Variants in PDE11A observed in about 807,000 individuals in gnomAD.
PDE11A encodes dual 3',5'-cyclic-AMP and -GMP phosphodiesterase 11A.
Under a neutral mutation model 100.5 loss-of-function variants are expected in PDE11A, and 100 were observed. The observed-to-expected ratio is 1.00, with a 90% CI of 0.85 to 1.18. The LOEUF is 1.18. Ranked by LOEUF, PDE11A falls within the 50% of genes most tolerant of loss-of-function variation. The pLI, the probability that PDE11A is intolerant of heterozygous loss-of-function variation, is 0.00. For synonymous variants in PDE11A, 381 were observed against 420.8 expected, an observed-to-expected ratio of 0.91 and a Z score of 1.16; for missense variants, 1,141 against 1,152.6, an observed-to-expected ratio of 0.99 and a Z score of 0.15.
intron 10 of PDE11A, among the ~76,000 whole-genome samples, chr2:177,754,736 C>G (rs1438617563): frequency 6.6e-6 from 1 of 152,184 alleles, no homozygotes; most frequent in African/African-American, 2.4e-5. Flanking sequence ...GTCTAAACAG[C>G]CTTGGGGTTC....
intron 2 of PDE11A, among the ~76,000 whole-genome samples, chr2:177,995,204 C>T (rs148948756): frequency 4.0e-4 from 61 of 152,210 alleles, no homozygotes; most frequent in Admixed American, 9.2e-4. Flanking sequence ...TCCAGAGTGG[C>T]GGGTCAATTT....
chr2:178,054,306 T>C (rs2086869668), intron 1 of PDE11A, among the ~76,000 whole-genome samples: 1 of 152,210 alleles, frequency 6.6e-6, no homozygotes, highest in Non-Finnish European at 1.5e-5. Context: ...TGTAGAAAGC[T>C]GAAATTGGAT....
upstream of PDE11A, among the ~76,000 whole-genome samples, chr2:178,074,000 A>G (rs1334917466): frequency 6.6e-6 from 1 of 152,212 alleles, no homozygotes; most frequent in Non-Finnish European, 1.5e-5. Context: ...GGAACAGACA[A>G]ATAAAATGTG....
At chr2:177,720,323 T>C (rs1240741572) in intron 12 of PDE11A, among the ~76,000 whole-genome samples, 1 of 152,160 alleles carries the variant, frequency 6.6e-6, no homozygotes, top group Non-Finnish European at 1.5e-5. Flanking sequence ...TACTACTGGA[T>C]GTCGCAGCAT....
intron 2 of PDE11A, among the ~76,000 whole-genome samples, chr2:178,001,370 A>C (rs2105818030): frequency 6.6e-6 from 1 of 151,780 alleles, no homozygotes; most frequent in South Asian, 2.1e-4. Flanking sequence ...TTTATACTCC[A>C]GGGATATTCA....
chr2:178,071,737 T>C lies in PDE11A; in HGVS notation c.701A>G (p.Asp234Gly). The C allele has an allele frequency of 6.2e-7, 1 of 1,614,112 alleles. No homozygotes were observed. Among genetic ancestry groups the C allele is most frequent in the Non-Finnish European group, 8.5e-7 (1 of 1,179,968 alleles). ...KILIFVCLMV[D>G]ADRCSLFLVE... ...CAGGAAAAGAGAGCAGCGGTCAGCATCCACCATAAGGCAGACAAAGATGAG... is the reference window on the plus strand; with the variant it reads ...CAGGAAAAGAGAGCAGCGGTCAGCACCCACCATAAGGCAGACAAAGATGAG... The change falls in exon 1 of 20, where the codon GAT (aspartate) becomes GGT (glycine). Residue 234 changes from aspartate (D) to glycine (G), a missense_variant. By Grantham distance (94) the Asp-to-Gly change is moderately conservative (BLOSUM62 -1). Coordinates refer to ENST00000286063, the MANE Select transcript of PDE11A (RefSeq NM_016953.4).
At chr2:178,024,321 A>G (rs1019727330) in intron 1 of PDE11A, among the ~76,000 whole-genome samples, 1 of 152,168 alleles carries the variant, frequency 6.6e-6, no homozygotes, top group African/African-American at 2.4e-5. Flanking sequence ...CCGAGGCAGG[A>G]GAATTGCTTG....
At position 177,977,281 on chromosome 2, in the gene PDE11A, T is replaced by G. The variant is rs1225377258; in HGVS notation, c.1071+37021A>C. ...ATCAATGTACAAAAATCACAAGCATTCTTATACACCAACAACAGACAAACA... is the reference window on the plus strand; with the variant it reads ...ATCAATGTACAAAAATCACAAGCATGCTTATACACCAACAACAGACAAACA... On this transcript the variant is annotated intron_variant, in intron 2 of 19. Transcript: ENST00000286063. Among the ~76,000 whole-genome samples the G allele has an allele frequency of 1.6e-4, 23 of 141,172 alleles. 1 individual carries two copies. The highest frequency in any genetic ancestry group is 2.6e-5 in the African/African-American group (1 of 38,246). 92.6% of individuals were successfully genotyped at this position (141,172 alleles called of 152,430 possible).
chr2:177,977,502 G>A (rs2085824774), intron 2 of PDE11A, among the ~76,000 whole-genome samples: 1 of 106,308 alleles, frequency 9.4e-6, no homozygotes, highest in Non-Finnish European at 2.0e-5. Flanking sequence ...TCGTGAAAAT[G>A]GCCATACTGC....
intron 5 of PDE11A, among the ~76,000 whole-genome samples, chr2:177,856,781 T>C (rs13385419): frequency 0.023 from 3,465 of 151,688 alleles, 114 homozygotes; most frequent in African/African-American, 0.08. Flanking sequence ...TGAAGAAAAA[T>C]GAACAAAGTC....
intron 19 of PDE11A, among the ~76,000 whole-genome samples, chr2:177,660,031 T>G: frequency 8.0e-6 from 1 of 125,644 alleles, no homozygotes; most frequent in East Asian, 2.4e-4. Context: ...GTTACAATCA[T>G]TTTCTTTCTT....
chr2:177,714,494 TAA>T (rs1412645021), intron 12 of PDE11A, among the ~76,000 whole-genome samples: 1 of 152,122 alleles, frequency 6.6e-6, no homozygotes, highest in East Asian at 1.9e-4. Context: ...ACAGAGAGGC[TAA>T]GTCATATGCC....
chr2:177,884,075 G>A (rs1187148871), intron 4 of PDE11A, among the ~76,000 whole-genome samples: 2 of 152,194 alleles, frequency 1.3e-5, no homozygotes, highest in African/African-American at 4.8e-5. Context: ...GCCCTCAAGG[G>A]CACTGAGGTA....
At chr2:177,755,605 T>C (rs561645316) in intron 10 of PDE11A, among the ~76,000 whole-genome samples, 15 of 152,304 alleles carry the variant, frequency 9.8e-5, no homozygotes, top group African/African-American at 3.4e-4. Flanking sequence ...TGACACACTT[T>C]CCTAAGCACA....
chr2:178,023,738 T>A (rs545293332), intron 1 of PDE11A, among the ~76,000 whole-genome samples: 1 of 152,328 alleles, frequency 6.6e-6, no homozygotes, highest in Non-Finnish European at 1.5e-5. Context: ...CAAAAGCCCC[T>A]ATTAATTCCA....
chr2:177,877,476 T>C (rs1405967387), intron 4 of PDE11A, among the ~76,000 whole-genome samples: 3 of 152,178 alleles, frequency 2.0e-5, no homozygotes, highest in African/African-American at 4.8e-5. Context: ...AAGGTTATCT[T>C]ATTATGCAGA....
At chr2:177,754,722 T>A (rs377511150) in intron 10 of PDE11A, among the ~76,000 whole-genome samples, 2 of 152,228 alleles carry the variant, frequency 1.3e-5, no homozygotes, top group East Asian at 3.8e-4. Flanking sequence ...ATAAGCACAG[T>A]CCTGTCTAAA....
intron 12 of PDE11A, among the ~76,000 whole-genome samples, chr2:177,722,355 C>G (rs2081542884): frequency 6.6e-6 from 1 of 152,154 alleles, no homozygotes; most frequent in East Asian, 1.9e-4. Flanking sequence ...TGACCCATAA[C>G]TCATGAATGG....
chr2:178,037,789 C>T (rs1464089651), intron 1 of PDE11A, among the ~76,000 whole-genome samples: 1 of 152,152 alleles, frequency 6.6e-6, no homozygotes, highest in African/African-American at 2.4e-5. Flanking sequence ...CCAAACACCA[C>T]ATGTTCTCAC....
Sources: gnomAD v4.1 joint callset for allele counts (sites outside exome capture counted in the v4.1 genomes callset) on GRCh38, gnomAD v4.1.1 for gene constraint, MANE v1.5 for transcripts, NCBI Gene and HGNC (gene_info 2026-07-23, HGNC 2026-07-21) for gene names.